WAC: variants seen among roughly 807,000 people sequenced by gnomAD.
WAC encodes the protein WW domain containing adaptor with coiled-coil.
Under a neutral mutation model 79.6 loss-of-function variants are expected in WAC, and 11 were observed. That is an observed-to-expected ratio of 0.14 (90% CI 0.09 to 0.23). The LOEUF (loss-of-function observed/expected upper bound fraction) is 0.23. WAC is among the 10% of genes least tolerant of loss of function. The probability of loss-of-function intolerance (pLI) is 1.00; values close to 1 mark genes in which losing one functional copy is unlikely to be tolerated. For missense variants in WAC, 728 were observed against 773.5 expected, an observed-to-expected ratio of 0.94 and a Z score of 0.70; for synonymous variants, 304 against 276.9, an observed-to-expected ratio of 1.10 and a Z score of -0.97.
intron 3 of WAC, among the ~76,000 whole-genome samples, chr10:28,565,437 A>G (rs1000474314): frequency 4.6e-5 from 7 of 152,168 alleles, no homozygotes; most frequent in African/African-American, 1.2e-4. Flanking sequence ...CAGTGGCTCA[A>G]TCATAGCTCA....
chr10:28,536,194 C>T (rs1836661784), intron 3 of WAC, among the ~76,000 whole-genome samples: 1 of 150,642 alleles, frequency 6.6e-6, no homozygotes, highest in Non-Finnish European at 1.5e-5. Flanking sequence ...TTGCAGTCAG[C>T]CTGAGATGGT....
rs1841621997 is a variant in WAC, at chr10:28,619,613, G to C, written c.*7G>C. ...GAATTCCTTCATGGTGTGAAGATGT[G>C]AATAATTGCACATGGTTTTGAGAAC... On this transcript the variant is annotated 3_prime_UTR_variant, in exon 14 of 14. Transcript: ENST00000354911. 6.4e-7 allele frequency: 1 copy of C among 1,568,578 alleles called. No individual in the cohort carries two copies.
At chr10:28,546,771 T>G (rs1837367896) in intron 3 of WAC, among the ~76,000 whole-genome samples, 2 of 152,154 alleles carry the variant, frequency 1.3e-5, no homozygotes, top group African/African-American at 4.8e-5. Flanking sequence ...TTTGTGAACT[T>G]TGCTGCTTTG....
At chr10:28,540,873 C>G (rs768932798) in intron 3 of WAC, among the ~76,000 whole-genome samples, 1 of 149,802 alleles carries the variant, frequency 6.7e-6, no homozygotes, top group South Asian at 2.1e-4. Flanking sequence ...TTCAACTCTT[C>G]ATTGTTTTTT....
rs573865334 is a variant in WAC, at chr10:28,613,294, A to T, written c.1438-1273A>T. ...AGGCATGAGAATCACTTGACCTGGG[A>T]AGTGGAGGTGCAGTTGAGCCAAGAT... On this transcript the variant is annotated intron_variant, in intron 10 of 13. Coordinates refer to ENST00000354911, the MANE Select transcript of WAC (RefSeq NM_016628.5). Among the ~76,000 whole-genome samples, 53 of 152,306 alleles carry T rather than the reference A, an allele frequency of 3.5e-4. No homozygotes were observed. The East Asian group carries it at 6.8e-3, about 19-fold the overall frequency.
At position 28,533,177 on chromosome 10, in the gene WAC, C is replaced by G. The variant is rs953360422; in HGVS notation, c.-403C>G. ...GCGGCACCAGCGGCGGCGGCGGCGG[C>G]GGGAGGAGGAGGAGGAGAAGAAGGA... On this transcript the variant is annotated 5_prime_UTR_variant, in exon 1 of 14. Transcript: ENST00000354911. 604 of 163,466 alleles carry G rather than the reference C, an allele frequency of 3.7e-3. 4 individuals are homozygous for G. The highest frequency in any genetic ancestry group is 5.4e-3 in the Middle Eastern group (2 of 368). 10.1% of individuals were successfully genotyped at this position (163,466 alleles called of 1,614,324 possible).
intron 3 of WAC, among the ~76,000 whole-genome samples, chr10:28,551,091 G>A (rs949123016): frequency 1.1e-4 from 17 of 152,098 alleles, no homozygotes; most frequent in South Asian, 6.2e-4. Context: ...AGTAAATTAG[G>A]TAGAATAATA....
chr10:28,552,195 G>C (rs1322318861), intron 3 of WAC, among the ~76,000 whole-genome samples: 1 of 151,934 alleles, frequency 6.6e-6, no homozygotes, highest in East Asian at 1.9e-4. Context: ...TTTCCTCTTA[G>C]TATTTATTCT....
At chr10:28,565,021 ACT>A (rs1838523065) in intron 3 of WAC, among the ~76,000 whole-genome samples, 1 of 152,178 alleles carries the variant, frequency 6.6e-6, no homozygotes, top group African/African-American at 2.4e-5. Flanking sequence ...CTTAGTAACT[ACT>A]AATCTGTTCT....
At chr10:28,541,399 G>T (rs886728394) in intron 3 of WAC, among the ~76,000 whole-genome samples, 1 of 122,276 alleles carries the variant, frequency 8.2e-6, no homozygotes, top group Non-Finnish European at 1.7e-5. Flanking sequence ...ATTTTTGTGG[G>T]GTTGTGTGTG....
intron 3 of WAC, among the ~76,000 whole-genome samples, chr10:28,549,865 T>A (rs1479130510): frequency 6.6e-6 from 1 of 152,180 alleles, no homozygotes; most frequent in Non-Finnish European, 1.5e-5. Context: ...ACTTGAAGTT[T>A]AAAGAGTTTT....
chr10:28,583,344 A>G (rs1444584647), intron 3 of WAC, 55 bp from the exon 4 acceptor site: 1 of 1,313,600 alleles, frequency 7.6e-7, no homozygotes, highest in Non-Finnish European at 1.0e-6. Context: ...AACAGTTTAG[A>G]TTAAACATGA....
At chr10:28,548,599 A>G (rs952969052) in intron 3 of WAC, among the ~76,000 whole-genome samples, 1 of 152,024 alleles carries the variant, frequency 6.6e-6, no homozygotes, top group Non-Finnish European at 1.5e-5. Flanking sequence ...TTTACTAGAA[A>G]TACTCTTGAG....
chr10:28,606,220 T>G (rs1260788194), intron 7 of WAC, among the ~76,000 whole-genome samples: 1 of 152,172 alleles, frequency 6.6e-6, no homozygotes, highest in Admixed American at 6.5e-5. Context: ...CTGGCTAATT[T>G]TTTGTATTTT....
intron 3 of WAC, among the ~76,000 whole-genome samples, chr10:28,570,669 C>CA (rs1399003994): frequency 6.6e-6 from 1 of 152,138 alleles, no homozygotes; most frequent in African/African-American, 2.4e-5. Context: ...TCCCTGTCCT[C>CA]AGAGTTTCTC....
chr10:28,612,157 G>A (rs1841271119), intron 10 of WAC, among the ~76,000 whole-genome samples: 1 of 152,058 alleles, frequency 6.6e-6, no homozygotes, highest in African/African-American at 2.4e-5. Flanking sequence ...AATGGTTTTG[G>A]GATTTGTCAC....
In WAC at chr10:28,608,169, A is replaced by C; in HGVS notation, c.920-17A>C. ...TCTATTCAGGTAATTTTTCAGGCTG[A>C]TTATCTTTTTATTTAGAATCTACAT... is the stretch of plus-strand genomic sequence containing the variant. On this transcript the variant is annotated splice_polypyrimidine_tract_variant and intron_variant, in intron 7 of 13. Coordinates refer to ENST00000354911, the MANE Select transcript of WAC (RefSeq NM_016628.5). The C allele has an allele frequency of 1.2e-6, 2 of 1,611,910 alleles. No individual in the cohort carries two copies. The highest frequency in any genetic ancestry group is 1.3e-5 in the African/African-American group (1 of 74,934).
At chr10:28,608,961 C>T (rs1841092088) in intron 8 of WAC, among the ~76,000 whole-genome samples, 1 of 151,990 alleles carries the variant, frequency 6.6e-6, no homozygotes, top group Non-Finnish European at 1.5e-5. Context: ...TATTTAATTC[C>T]AGCCTTGCTT....
At chr10:28,609,255 C>T (rs1207546542) in intron 8 of WAC, among the ~76,000 whole-genome samples, 1 of 152,090 alleles carries the variant, frequency 6.6e-6, no homozygotes. Flanking sequence ...CCCAGCTACT[C>T]GGGAGGCTGA....
Sources: allele counts gnomAD v4.1 joint callset (sites outside exome capture counted in the v4.1 genomes callset), GRCh38; gene constraint gnomAD v4.1.1; transcripts MANE v1.5; gene names NCBI Gene and HGNC (gene_info 2026-07-23, HGNC 2026-07-21).